Variants in METTL15 observed in about 807,000 individuals in gnomAD.
METTL15 encodes the protein 12S rRNA N(4)-cytidine methyltransferase METTL15.
Under a neutral mutation model 38.3 loss-of-function variants are expected in METTL15, and 34 were observed. The observed-to-expected ratio is 0.89, with a 90% confidence interval of 0.68 to 1.18. METTL15 has a LOEUF of 1.18. Among genes scored for constraint, METTL15 ranks in the 50% most tolerant of loss-of-function variants. The pLI is 0.00. For synonymous variants in METTL15, 162 were observed against 170.9 expected, an observed-to-expected ratio of 0.95 and a Z score of 0.41; for missense variants, 438 against 498.4, an observed-to-expected ratio of 0.88 and a Z score of 1.15.
At chr11:28,421,156 A>T (rs1464557979) in intron 5 of METTL15, among the ~76,000 whole-genome samples, 3 of 152,152 alleles carry the variant, frequency 2.0e-5, no homozygotes, top group Non-Finnish European at 4.4e-5. Context: ...CCAAGATTGA[A>T]CCATGAAGAA....
At chr11:28,449,647 C>T (rs1328715547) in intron 6 of METTL15, among the ~76,000 whole-genome samples, 1 of 152,036 alleles carries the variant, frequency 6.6e-6, no homozygotes, top group East Asian at 1.9e-4. Context: ...GGCTAGCTAG[C>T]CTGTGACTAC....
chr11:28,265,744 C>G (rs896229236), intron 4 of METTL15, among the ~76,000 whole-genome samples: 3 of 152,178 alleles, frequency 2.0e-5, no homozygotes, highest in African/African-American at 7.2e-5. Flanking sequence ...TTGAACTCCA[C>G]ACCTATATAC....
intron 3 of METTL15, among the ~76,000 whole-genome samples, chr11:28,167,243 A>G (rs1211911470): frequency 6.6e-6 from 1 of 152,200 alleles, no homozygotes; most frequent in Non-Finnish European, 1.5e-5. Context: ...TGTAACCAAG[A>G]AACTGACTCT....
chr11:28,244,417 T>C (rs1434327729), intron 4 of METTL15, among the ~76,000 whole-genome samples: 1 of 152,154 alleles, frequency 6.6e-6, no homozygotes. Flanking sequence ...ATTTAAGTAG[T>C]TCCAATTTCA....
chr11:28,216,972 T>C (rs1211055836), intron 4 of METTL15, among the ~76,000 whole-genome samples: 1 of 151,976 alleles, frequency 6.6e-6, no homozygotes, highest in East Asian at 1.9e-4. Flanking sequence ...TGATGGACAT[T>C]TGGGTTGGTT....
intron 3 of METTL15, among the ~76,000 whole-genome samples, chr11:28,116,693 A>T (rs1325236629): frequency 6.6e-6 from 1 of 152,218 alleles, no homozygotes; most frequent in Non-Finnish European, 1.5e-5. Flanking sequence ...TAAAAATATT[A>T]TTTACCTTCT....
intron 4 of METTL15, among the ~76,000 whole-genome samples, chr11:28,271,547 C>T (rs1855640219): frequency 6.6e-6 from 1 of 152,146 alleles, no homozygotes; most frequent in African/African-American, 2.4e-5. Flanking sequence ...AATGCAAGAT[C>T]TCTATAATTT....
chr11:28,161,118 T>G (rs1259938743), intron 3 of METTL15, among the ~76,000 whole-genome samples: 1 of 149,610 alleles, frequency 6.7e-6, no homozygotes, highest in East Asian at 1.9e-4. Flanking sequence ...TTTTTTTTTT[T>G]TTTTTTTTGT....
At chr11:28,279,253 C>G (rs1227064804) in intron 4 of METTL15, among the ~76,000 whole-genome samples, 1 of 152,130 alleles carries the variant, frequency 6.6e-6, no homozygotes, top group Non-Finnish European at 1.5e-5. Flanking sequence ...TGCATGACAT[C>G]TATTTCTGTC....
chr11:28,129,694 G>A (rs1319787571), intron 3 of METTL15, among the ~76,000 whole-genome samples: 1 of 152,202 alleles, frequency 6.6e-6, no homozygotes, highest in Non-Finnish European at 1.5e-5. Flanking sequence ...ACAGGTGTGA[G>A]TCACTGCGCT....
chr11:28,299,837 T>A (rs1301379055), intron 6 of METTL15, among the ~76,000 whole-genome samples: 1 of 152,112 alleles, frequency 6.6e-6, no homozygotes, highest in East Asian at 1.9e-4. Flanking sequence ...GGAGAATCCT[T>A]CCTTACTATT....
intron 3 of METTL15, among the ~76,000 whole-genome samples, chr11:28,129,780 T>G (rs1156791121): frequency 6.6e-6 from 1 of 152,154 alleles, no homozygotes; most frequent in Non-Finnish European, 1.5e-5. Context: ...ATGTATTAAT[T>G]TTTTTATGTA....
At chr11:28,378,079 T>G (rs931684764) in intron 5 of METTL15, among the ~76,000 whole-genome samples, 1 of 152,120 alleles carries the variant, frequency 6.6e-6, no homozygotes, top group Non-Finnish European at 1.5e-5. Flanking sequence ...CAGGGACATT[T>G]AAGTCTGCAG....
chr11:28,181,259 A>ATTTTTTTTTTTTTTTTTTTTTTT (rs71449171), intron 3 of METTL15, among the ~76,000 whole-genome samples: 7 of 133,796 alleles, frequency 5.2e-5, no homozygotes, highest in Non-Finnish European at 6.3e-5. Context: ...TTAATTTTTA[A>ATTTTTTTTTTTTTTTTTTTTTTT]TTTTTTTTTT....
At chr11:28,174,739 CG>C (rs964861516) in intron 3 of METTL15, among the ~76,000 whole-genome samples, 3 of 147,706 alleles carry the variant, frequency 2.0e-5, no homozygotes, top group African/African-American at 7.5e-5. Context: ...GGTATGAAGC[CG>C]GGGGGCGGAG....
At chr11:28,180,932 T>C (rs1851260372) in intron 3 of METTL15, among the ~76,000 whole-genome samples, 1 of 151,744 alleles carries the variant, frequency 6.6e-6, no homozygotes, top group Non-Finnish European at 1.5e-5. Context: ...ATAAATGAAA[T>C]GTACATGCAC....
chr11:28,208,151 A>G (rs1303062629), intron 3 of METTL15, among the ~76,000 whole-genome samples: 3 of 151,810 alleles, frequency 2.0e-5, no homozygotes, highest in African/African-American at 4.8e-5. Flanking sequence ...CCTTCTGCTA[A>G]CTTTTGAATG....
chr11:28,386,217 A>T (rs7124725), intron 5 of METTL15, among the ~76,000 whole-genome samples: 5 of 151,898 alleles, frequency 3.3e-5, no homozygotes, highest in African/African-American at 1.2e-4. Context: ...ACAAGTTATA[A>T]AAAAAACAGT....
rs879380899 is a variant in METTL15, at chr11:28,222,702, T to A, written c.407+11504T>A. 3.3e-5 allele frequency among the ~76,000 whole-genome samples: 5 copies of A among 152,264 alleles called. No individual in the cohort carries two copies. In the East Asian group the frequency reaches 9.6e-4, roughly 29 times the overall value. The stretch of plus-strand genomic sequence containing the variant: ...ATTCGGCCATCTTGGAACCACCCTC[T>A]GAGAAACTTCTTTAGACTAGAAATC... On this transcript the variant is annotated intron_variant, in intron 4 of 6. Transcript: ENST00000407364.
Sources: allele counts gnomAD v4.1 joint callset (sites outside exome capture counted in the v4.1 genomes callset), GRCh38; gene constraint gnomAD v4.1.1; transcripts MANE v1.5; gene names NCBI Gene and HGNC (gene_info 2026-07-23, HGNC 2026-07-21).